PCDHGA6: variants seen among roughly 807,000 people sequenced by gnomAD.
The protein encoded by PCDHGA6 is protocadherin gamma subfamily A, 6.
Under a neutral mutation model 60.6 loss-of-function variants are expected in PCDHGA6, and 41 were observed. The ratio of observed to expected loss-of-function variants is 0.68; its 90% confidence interval spans 0.53 to 0.88. The LOEUF (loss-of-function observed/expected upper bound fraction) is 0.88. PCDHGA6 is among the 40% of genes least tolerant of loss of function. The probability of loss-of-function intolerance (pLI) is 0.00; values close to 1 mark genes in which losing one functional copy is unlikely to be tolerated. For synonymous variants in PCDHGA6, 594 were observed against 524.4 expected (o/e 1.13, Z -1.81); for missense variants, 1,312 against 1,203.0 (o/e 1.09, Z -1.34).
chr5:141,415,649 A>C, intron 1 of PCDHGA6: 1 of 1,597,710 alleles, frequency 6.3e-7, no homozygotes, highest in Non-Finnish European at 8.5e-7. Context: ...GTTAAAAAAA[A>C]AAAGATTGGT....
At chr5:141,443,475 G>T (rs994058112) in intron 1 of PCDHGA6, among the ~76,000 whole-genome samples, 1 of 152,148 alleles carries the variant, frequency 6.6e-6, no homozygotes, top group African/African-American at 2.4e-5. Flanking sequence ...GACAGAATTA[G>T]ACCCTGTCCC....
At chr5:141,404,248 G>C (rs1404333144) in intron 1 of PCDHGA6, 10 of 1,613,694 alleles carry the variant, frequency 6.2e-6, no homozygotes, top group South Asian at 1.1e-5. Context: ...CTCCGCCCCT[G>C]TCCACAGAAA....
chr5:141,404,347 C>A (rs1451476815), intron 1 of PCDHGA6: 2 of 1,613,916 alleles, frequency 1.2e-6, no homozygotes, highest in Non-Finnish European at 1.7e-6. Context: ...CGGAAAACAA[C>A]GCCAGAGGTA....
rs188066304 is a variant in PCDHGA6, at chr5:141,450,907, C to T, written c.2425-43900C>T. On this transcript the variant is annotated intron_variant, in intron 1 of 3. Coordinates refer to ENST00000517434, the MANE Select transcript of PCDHGA6 (RefSeq NM_018919.3). ...TGGTGCGATATCGGCTCACTGCAAC[C>T]GCTGCCTCCCAGATTCAAGCAATTC... is the stretch of plus-strand genomic sequence containing the variant. 6.7e-3 allele frequency among the ~76,000 whole-genome samples: 1,004 copies of T among 150,024 alleles called. 12 individuals carry two copies. The highest frequency in any genetic ancestry group is 0.024 in the African/African-American group (970 of 40,702).
intron 1 of PCDHGA6, chr5:141,383,148 C>G (rs1326737910): frequency 6.2e-7 from 1 of 1,614,124 alleles, no homozygotes; most frequent in Non-Finnish European, 8.5e-7. Context: ...GCAGCGGCAG[C>G]TTGGTCACTG....
chr5:141,410,710 CAT>C lies in PCDHGA6; in HGVS notation c.2424+34206_2424+34207del, dbSNP rs140431021. 1.9e-3 allele frequency: 2,785 copies of C among 1,444,504 alleles called. 45 individuals are homozygous for C. In the African/African-American group the frequency reaches 0.033, roughly 17 times the overall value. The allele number at this position is 1,444,504 out of a possible 1,614,324, so 89.5% of individuals were successfully genotyped here. On this transcript the variant is annotated intron_variant, in intron 1 of 3. Coordinates refer to ENST00000517434, the MANE Select transcript of PCDHGA6 (RefSeq NM_018919.3). ...ACTACTTTATTTTCATATCTAGAATCATATGTTTAAAATCCATAGCTTTTTAC... is the reference window on the plus strand; with the variant it reads ...ACTACTTTATTTTCATATCTAGAATCATGTTTAAAATCCATAGCTTTTTAC...
chr5:141,403,390 G>C (rs1471861396), intron 1 of PCDHGA6: 2 of 1,613,920 alleles, frequency 1.2e-6, no homozygotes, highest in Admixed American at 1.7e-5. Flanking sequence ...ACGAAATCGC[G>C]GTTCCTGGAG....
intron 1 of PCDHGA6, among the ~76,000 whole-genome samples, chr5:141,425,428 T>C (rs1037803701): frequency 1.3e-5 from 2 of 152,238 alleles, no homozygotes; most frequent in African/African-American, 4.8e-5. Context: ...TCCCATTAAA[T>C]AGAGGATAAA....
chr5:141,414,828 G>T (rs780047810), intron 1 of PCDHGA6: 1 of 1,614,210 alleles, frequency 6.2e-7, no homozygotes, highest in East Asian at 2.2e-5. Context: ...GCAACGTGTC[G>T]TTGAGCCTGT....
intron 1 of PCDHGA6, chr5:141,428,180 C>G (rs780780274): frequency 1.3e-6 from 2 of 1,486,274 alleles, no homozygotes; most frequent in East Asian, 2.3e-5. Flanking sequence ...TGACGGAGGA[C>G]AGCCGCCGCT....
intron 1 of PCDHGA6, among the ~76,000 whole-genome samples, chr5:141,465,137 GGGGA>G (rs2099097662): frequency 2.0e-5 from 3 of 151,520 alleles, no homozygotes; most frequent in Non-Finnish European, 4.4e-5. Context: ...AAAAAGTTTA[GGGGA>G]TATATGAAGG....
intron 1 of PCDHGA6, among the ~76,000 whole-genome samples, chr5:141,454,730 A>C (rs2098797371): frequency 6.7e-6 from 1 of 150,092 alleles, no homozygotes; most frequent in Admixed American, 6.7e-5. Context: ...TATATGTTAT[A>C]GGATGAAAAG....
intron 1 of PCDHGA6, among the ~76,000 whole-genome samples, chr5:141,480,290 C>T (rs1053173416): frequency 2.2e-5 from 3 of 134,088 alleles, no homozygotes; most frequent in Non-Finnish European, 4.7e-5. Flanking sequence ...TGGCATGCAC[C>T]TGTGGTACCA....
chr5:141,394,741 T>G (rs767167411), intron 1 of PCDHGA6: 5 of 1,613,414 alleles, frequency 3.1e-6, no homozygotes, highest in Non-Finnish European at 4.2e-6. Context: ...CAGAGCCTCG[T>G]GGTGGCCGTC....
chr5:141,399,960 G>T, intron 1 of PCDHGA6: 1 of 1,612,214 alleles, frequency 6.2e-7, no homozygotes, highest in Non-Finnish European at 8.5e-7. Flanking sequence ...GCGAGCCCGG[G>T]CTCTTCAGCC....
In PCDHGA6 at chr5:141,511,216, C is replaced by A. The variant is rs374915167; in HGVS notation, c.*43C>A. On this transcript the variant is annotated 3_prime_UTR_variant, in exon 4 of 4. Coordinates refer to ENST00000517434, the MANE Select transcript of PCDHGA6 (RefSeq NM_018919.3). Reference sequence around the variant, plus strand: ...GAGCCACAGGGCGGCCTCTCCCCAACCAGCCCAGCTTCTCCTTACCTGCAC... The same window carrying A: ...GAGCCACAGGGCGGCCTCTCCCCAAACAGCCCAGCTTCTCCTTACCTGCAC... The A allele has an allele frequency of 6.2e-7, 1 of 1,608,004 alleles. No homozygotes were observed. The highest frequency in any genetic ancestry group is 1.3e-5 in the African/African-American group (1 of 74,736).
chr5:141,403,030 C>T, intron 1 of PCDHGA6: 1 of 1,614,056 alleles, frequency 6.2e-7, no homozygotes, highest in Non-Finnish European at 8.5e-7. Flanking sequence ...TATGGGAGGC[C>T]AGGGCCAGTC....
intron 2 of PCDHGA6, among the ~76,000 whole-genome samples, chr5:141,502,139 C>T (rs923501238): frequency 6.6e-6 from 1 of 152,104 alleles, no homozygotes; most frequent in African/African-American, 2.4e-5. Flanking sequence ...TCAGTCGGGC[C>T]GGAAGTAAGG....
At chr5:141,446,595 GCCTCC>G (rs2098508132) in intron 1 of PCDHGA6, among the ~76,000 whole-genome samples, 2 of 152,012 alleles carry the variant, frequency 1.3e-5, no homozygotes, top group South Asian at 4.1e-4. Context: ...TTCTGCCTCA[GCCTCC>G]TGAGTAGCTG....
Sources: gnomAD v4.1 joint callset for allele counts (sites outside exome capture counted in the v4.1 genomes callset) on GRCh38, gnomAD v4.1.1 for gene constraint, MANE v1.5 for transcripts, NCBI Gene and HGNC (gene_info 2026-07-23, HGNC 2026-07-21) for gene names.